DCC: variants seen among roughly 807,000 people sequenced by gnomAD.
DCC encodes the protein netrin receptor DCC.
In DCC, 58 loss-of-function variants were observed where a neutral mutation model predicts 172.5. The observed-to-expected ratio is 0.34, with a 90% CI of 0.27 to 0.42. DCC has a LOEUF of 0.42. Among genes scored for constraint, DCC ranks in the 10% least tolerant of loss-of-function variants. The probability of loss-of-function intolerance (pLI) is 1.00; values close to 1 mark genes in which losing one functional copy is unlikely to be tolerated. For synonymous variants in DCC, 709 were observed against 644.5 expected, an observed-to-expected ratio of 1.10 and a Z score of -1.52; for missense variants, 1,740 against 1,791.0, an observed-to-expected ratio of 0.97 and a Z score of 0.51.
chr18:53,363,981 G>T (rs1338102781), intron 15 of DCC, among the ~76,000 whole-genome samples: 1 of 152,130 alleles, frequency 6.6e-6, no homozygotes, highest in Non-Finnish European at 1.5e-5. Context: ...CAACAAAATA[G>T]ATTTACTTGG....
intron 12 of DCC, among the ~76,000 whole-genome samples, chr18:53,248,791 C>G (rs910329379): frequency 6.6e-6 from 1 of 152,054 alleles, no homozygotes; most frequent in Non-Finnish European, 1.5e-5. Context: ...GTAAAATCAT[C>G]TATTCCCTTA....
intron 26 of DCC, among the ~76,000 whole-genome samples, chr18:53,492,493 A>C (rs976459798): frequency 6.6e-6 from 1 of 152,152 alleles, no homozygotes; most frequent in South Asian, 2.1e-4. Flanking sequence ...TAAGGTGTAA[A>C]GAAGGGATCC....
At chr18:52,467,163 A>C (rs957665939) in intron 1 of DCC, among the ~76,000 whole-genome samples, 1 of 152,046 alleles carries the variant, frequency 6.6e-6, no homozygotes, top group Non-Finnish European at 1.5e-5. Context: ...TGTCATCTAC[A>C]TTAGATATTT....
intron 12 of DCC, among the ~76,000 whole-genome samples, chr18:53,260,552 G>C (rs147511868): frequency 6.6e-6 from 1 of 152,106 alleles, no homozygotes; most frequent in Non-Finnish European, 1.5e-5. Context: ...CTGCCTGATC[G>C]TTCCTCTGGA....
intron 1 of DCC, among the ~76,000 whole-genome samples, chr18:52,375,124 A>G (rs1023087445): frequency 1.3e-5 from 2 of 152,238 alleles, no homozygotes; most frequent in Admixed American, 6.5e-5. Flanking sequence ...AGAATGTGTT[A>G]GGACTCTTAT....
At chr18:52,911,354 TAAGGG>T (rs1275129044) in intron 3 of DCC, among the ~76,000 whole-genome samples, 2 of 152,054 alleles carry the variant, frequency 1.3e-5, no homozygotes, top group African/African-American at 2.4e-5. Flanking sequence ...TTATAGGTCA[TAAGGG>T]AAGAACTGTC....
At chr18:53,063,579 A>C in intron 6 of DCC, 120 bp downstream of exon 6, 1 of 779,482 alleles carries the variant, frequency 1.3e-6, no homozygotes, top group Non-Finnish European at 2.1e-6. Context: ...TGATGTGTTA[A>C]AAAAGTTATT....
chr18:52,767,908 G>T (rs953944780), intron 2 of DCC, among the ~76,000 whole-genome samples: 2 of 152,170 alleles, frequency 1.3e-5, no homozygotes, highest in African/African-American at 4.8e-5. Flanking sequence ...CAGTAAGCAT[G>T]TTAGCACTTC....
chr18:52,499,127 G>A (rs1442258378), intron 1 of DCC, among the ~76,000 whole-genome samples: 1 of 152,112 alleles, frequency 6.6e-6, no homozygotes, highest in Non-Finnish European at 1.5e-5. Flanking sequence ...AGCACATTCT[G>A]TTCCTTCAAA....
At chr18:52,566,128 G>A (rs1326051863) in intron 1 of DCC, among the ~76,000 whole-genome samples, 1 of 152,088 alleles carries the variant, frequency 6.6e-6, no homozygotes, top group African/African-American at 2.4e-5. Context: ...TGTCAGGTTT[G>A]TCAAAGATCA....
At chr18:52,419,185 A>G (rs1457695640) in intron 1 of DCC, 1 of 152,156 alleles carries the variant, frequency 6.6e-6, no homozygotes, top group African/African-American at 2.4e-5. Context: ...GCTTTTGCTG[A>G]TCACTCGCCA....
chr18:53,154,033 C>G (rs958910696), intron 7 of DCC, among the ~76,000 whole-genome samples: 1 of 152,088 alleles, frequency 6.6e-6, no homozygotes, highest in East Asian at 1.9e-4. Context: ...AGCCTCTGCC[C>G]GAAGGTATTT....
At chr18:53,271,678 C>T (rs1284210083) in intron 12 of DCC, among the ~76,000 whole-genome samples, 1 of 152,112 alleles carries the variant, frequency 6.6e-6, no homozygotes, top group Non-Finnish European at 1.5e-5. Flanking sequence ...CGGAAGCTAT[C>T]TTTTGTGACC....
chr18:53,510,139 A>G (rs73462961), intron 27 of DCC, among the ~76,000 whole-genome samples: 15,922 of 152,080 alleles, frequency 0.1, 2,552 homozygotes, highest in African/African-American at 0.35. Context: ...GTCCTTCGAA[A>G]GGGGTCATCC....
chr18:52,526,119 G>T (rs1330904115), intron 1 of DCC, among the ~76,000 whole-genome samples: 2 of 152,184 alleles, frequency 1.3e-5, no homozygotes, highest in African/African-American at 4.8e-5. Context: ...GAAAAGCTAG[G>T]TGTGAGTTGA....
chr18:52,635,031 C>A (rs1293564412), intron 1 of DCC, among the ~76,000 whole-genome samples: 1 of 152,162 alleles, frequency 6.6e-6, no homozygotes, highest in East Asian at 1.9e-4. Context: ...ATTATTTTCT[C>A]TACCCTACTG....
At chr18:53,292,742 T>G (rs2057021228) in intron 12 of DCC, among the ~76,000 whole-genome samples, 1 of 152,168 alleles carries the variant, frequency 6.6e-6, no homozygotes, top group Non-Finnish European at 1.5e-5. Context: ...TGCACAATGC[T>G]GAATTGTCTT....
intron 26 of DCC, 95 bp from the exon 27 acceptor site, chr18:53,499,203 C>G: frequency 8.1e-7 from 1 of 1,233,410 alleles, no homozygotes; most frequent in Non-Finnish European, 1.2e-6. Context: ...CATCCTATCA[C>G]ATCTCTCTGA....
At chr18:52,362,339 C>G (rs1348751866) in intron 1 of DCC, among the ~76,000 whole-genome samples, 1 of 152,232 alleles carries the variant, frequency 6.6e-6, no homozygotes, top group South Asian at 2.1e-4. Flanking sequence ...ACAGGACTTA[C>G]TTGATAAACA....
Sources: allele counts gnomAD v4.1 joint callset (sites outside exome capture counted in the v4.1 genomes callset), GRCh38; gene constraint gnomAD v4.1.1; transcripts MANE v1.5; gene names NCBI Gene and HGNC (gene_info 2026-07-23, HGNC 2026-07-21).